The following SLC35F1 variants were observed in gnomAD, a reference collection of about 807,000 sequenced individuals.
SLC35F1 encodes solute carrier family 35 member F1.
Under a neutral mutation model 48.7 loss-of-function variants are expected in SLC35F1, and 14 were observed. The observed-to-expected ratio is 0.29, with a 90% CI of 0.19 to 0.45. SLC35F1 has a LOEUF of 0.45. SLC35F1 is among the 20% of genes least tolerant of loss of function. SLC35F1 has a pLI of 1.00. For synonymous variants in SLC35F1, 190 were observed against 202.2 expected, an observed-to-expected ratio of 0.94 and a Z score of 0.51; for missense variants, 404 against 500.0, an observed-to-expected ratio of 0.81 and a Z score of 1.83.
At chr6:118,246,772 G>A (rs1488425457) in intron 3 of SLC35F1, among the ~76,000 whole-genome samples, 1 of 152,110 alleles carries the variant, frequency 6.6e-6, no homozygotes, top group African/African-American at 2.4e-5. Flanking sequence ...GATTGTATTT[G>A]ATGGTCCACT....
intron 2 of SLC35F1, among the ~76,000 whole-genome samples, chr6:118,211,534 G>A (rs1013163793): frequency 2.6e-5 from 4 of 152,176 alleles, no homozygotes; most frequent in African/African-American, 2.4e-5. Context: ...AAAGAAACAA[G>A]TGACTGACAT....
chr6:118,177,436 AC>A (rs1774506639), intron 2 of SLC35F1, among the ~76,000 whole-genome samples: 1 of 151,998 alleles, frequency 6.6e-6, no homozygotes, highest in Non-Finnish European at 1.5e-5. Flanking sequence ...CCTCCCACAT[AC>A]CCTACAGTTA....
At chr6:118,007,970 CG>C (rs1024072922) in intron 1 of SLC35F1, among the ~76,000 whole-genome samples, 3 of 152,042 alleles carry the variant, frequency 2.0e-5, no homozygotes, top group Non-Finnish European at 2.9e-5. Context: ...TAGCTGTTGG[CG>C]GGGGGCTACT....
chr6:118,017,312 T>C (rs1037349453), intron 1 of SLC35F1, among the ~76,000 whole-genome samples: 1 of 151,812 alleles, frequency 6.6e-6, no homozygotes, highest in African/African-American at 2.4e-5. Context: ...GACTGGGTGC[T>C]TCTGCATTTC....
chr6:117,965,352 G>A (rs1454698823), intron 1 of SLC35F1, among the ~76,000 whole-genome samples: 1 of 152,156 alleles, frequency 6.6e-6, no homozygotes, highest in Non-Finnish European at 1.5e-5. Flanking sequence ...CAAGTGGTAG[G>A]AGCAAACATT....
chr6:118,238,780 T>A (rs891260381), intron 3 of SLC35F1, among the ~76,000 whole-genome samples: 1 of 152,184 alleles, frequency 6.6e-6, no homozygotes, highest in Non-Finnish European at 1.5e-5. Context: ...CCAAGGGGAA[T>A]GCTGTGAGTT....
chr6:117,968,149 A>G (rs1418806906), intron 1 of SLC35F1, among the ~76,000 whole-genome samples: 2 of 152,194 alleles, frequency 1.3e-5, no homozygotes, highest in East Asian at 3.8e-4. Flanking sequence ...TCGTGTTCAG[A>G]CAGTACCATT....
chr6:117,995,734 C>G (rs572809123), intron 1 of SLC35F1, among the ~76,000 whole-genome samples: 2 of 151,822 alleles, frequency 1.3e-5, no homozygotes, highest in Non-Finnish European at 1.5e-5. Context: ...GAGCAAGACT[C>G]TGTCTCGAAA....
chr6:118,013,760 G>A (rs983618906), intron 1 of SLC35F1, among the ~76,000 whole-genome samples: 2 of 152,078 alleles, frequency 1.3e-5, no homozygotes, highest in African/African-American at 2.4e-5. Flanking sequence ...GCATGCTCTA[G>A]TCATAGCTTA....
At chr6:117,998,875 C>T (rs370635726) in intron 1 of SLC35F1, 48 of 640,760 alleles carry the variant, frequency 7.5e-5, no homozygotes, top group East Asian at 2.8e-4. Flanking sequence ...ACTAGAAAAG[C>T]AAGAGCAAAC....
intron 2 of SLC35F1, among the ~76,000 whole-genome samples, chr6:118,231,320 G>A (rs991985686): frequency 6.6e-6 from 1 of 152,124 alleles, no homozygotes; most frequent in Non-Finnish European, 1.5e-5. Flanking sequence ...AAAAAAGGTG[G>A]GGTGGATTTC....
chr6:118,316,835 ATGTGTTGGTT>A lies in SLC35F1; in HGVS notation c.*2587_*2596del, dbSNP rs932957662. 6.6e-6 allele frequency: 1 copy of A among 152,148 alleles called. No individual in the cohort carries two copies. The highest frequency in any genetic ancestry group is 2.4e-5 in the African/African-American group (1 of 41,420). 9.4% of individuals were successfully genotyped at this position (152,148 alleles called of 1,614,324 possible). A position where few individuals can be genotyped will look rare whatever the true frequency, so the allele number is the denominator to read the frequency against. ...ACTTTCATGTCCCTGGGTGACCTCAATGTGTTGGTTTGTCTCCATTTAGAAAGGTTGATAA... is the reference window on the plus strand; with the variant it reads ...ACTTTCATGTCCCTGGGTGACCTCAATGTCTCCATTTAGAAAGGTTGATAA... On this transcript the variant is annotated 3_prime_UTR_variant, in exon 8 of 8. Coordinates refer to ENST00000360388, the MANE Select transcript of SLC35F1 (RefSeq NM_001029858.4).
chr6:118,242,442 T>C (rs1376165204), intron 3 of SLC35F1, among the ~76,000 whole-genome samples: 7 of 151,948 alleles, frequency 4.6e-5, no homozygotes, highest in Admixed American at 1.3e-4. Context: ...GAAAGAAAGA[T>C]ATTGAAGTGG....
At chr6:117,952,659 G>T (rs1356630061) in intron 1 of SLC35F1, among the ~76,000 whole-genome samples, 1 of 152,132 alleles carries the variant, frequency 6.6e-6, no homozygotes, top group Non-Finnish European at 1.5e-5. Flanking sequence ...ACTGGAGACA[G>T]ATTCTTCTTA....
chr6:118,068,211 C>A (rs1772645511), intron 1 of SLC35F1, among the ~76,000 whole-genome samples: 1 of 152,152 alleles, frequency 6.6e-6, no homozygotes, highest in African/African-American at 2.4e-5. Flanking sequence ...CCCAGACTCA[C>A]CAATCTTCTC....
At chr6:117,985,550 A>G (rs745488802) in intron 1 of SLC35F1, among the ~76,000 whole-genome samples, 25 of 152,204 alleles carry the variant, frequency 1.6e-4, no homozygotes, top group Non-Finnish European at 3.4e-4. Flanking sequence ...GCATCTCAAG[A>G]TGTTCATTAA....
chr6:118,277,106 T>G lies in SLC35F1; in HGVS notation c.795-388T>G, dbSNP rs73514296. ...GTTGGCTGTCATGTACATTTAACTT[T>G]GAGAACCATTGCCCTAGAAAACACT... On this transcript the variant is annotated intron_variant, in intron 5 of 7. Transcript: ENST00000360388. 9.9e-3 allele frequency among the ~76,000 whole-genome samples: 1,515 copies of G among 152,306 alleles called. 27 individuals carry two copies. The highest frequency in any genetic ancestry group is 0.035 in the African/African-American group (1,441 of 41,556).
chr6:117,949,285 G>A (rs1026448302), intron 1 of SLC35F1, among the ~76,000 whole-genome samples: 1 of 152,090 alleles, frequency 6.6e-6, no homozygotes, highest in Non-Finnish European at 1.5e-5. Flanking sequence ...TTCTGATGCT[G>A]ACAATGTTAG....
At chr6:118,185,338 A>G (rs1303189808) in intron 2 of SLC35F1, among the ~76,000 whole-genome samples, 1 of 152,178 alleles carries the variant, frequency 6.6e-6, no homozygotes, top group African/African-American at 2.4e-5. Flanking sequence ...GGAAAATAAA[A>G]GCCAGAAAGA....
Sources: gnomAD v4.1 joint callset for allele counts (sites outside exome capture counted in the v4.1 genomes callset) on GRCh38, gnomAD v4.1.1 for gene constraint, MANE v1.5 for transcripts, NCBI Gene and HGNC (gene_info 2026-07-23, HGNC 2026-07-21) for gene names.